HTR4: variants seen among roughly 807,000 people sequenced by gnomAD.
The protein encoded by HTR4 is 5-hydroxytryptamine receptor 4, also known as 5-hydroxytryptamine (serotonin) receptor 4, G protein-coupled.
HTR4 carries 16 observed loss-of-function variants against 36.8 expected under a neutral mutation model. The ratio of observed to expected loss-of-function variants is 0.43; its 90% CI spans 0.29 to 0.66. The LOEUF is 0.66. HTR4 is among the 30% of genes least tolerant of loss of function. The probability of loss-of-function intolerance (pLI) is 0.13; values close to 1 mark genes in which losing one functional copy is unlikely to be tolerated. For synonymous variants in HTR4, 189 were observed against 185.1 expected (o/e 1.02, Z -0.17); for missense variants, 438 against 490.9 (o/e 0.89, Z 1.02).
At chr5:148,613,834 C>T (rs977927039) in intron 2 of HTR4, among the ~76,000 whole-genome samples, 33 of 152,006 alleles carry the variant, frequency 2.2e-4, no homozygotes, top group Middle Eastern at 6.8e-3. Flanking sequence ...TCAGCAAAGT[C>T]TCAGGATACA....
In HTR4 at chr5:148,483,301, G is replaced by A. The variant is rs936334333; in HGVS notation, c.1077-8C>T. 3.1e-6 allele frequency: 5 copies of A among 1,598,098 alleles called. No individual in the cohort carries two copies. In the African/African-American group the frequency reaches 5.4e-5, roughly 17 times the overall value. Reference sequence around the variant, plus strand: ...CCACACTCCACTGCATCCCTAGAGAGAGGAGAAGATTACAGAACCTCAGAA... The same window carrying A: ...CCACACTCCACTGCATCCCTAGAGAAAGGAGAAGATTACAGAACCTCAGAA... On this transcript the variant is annotated splice_polypyrimidine_tract_variant and splice_region_variant and intron_variant, in intron 6 of 6. Coordinates refer to ENST00000377888, the MANE Select transcript of HTR4 (RefSeq NM_000870.7).
At chr5:148,652,076 TCAGA>T (rs1024669626) in intron 1 of HTR4, among the ~76,000 whole-genome samples, 3 of 152,234 alleles carry the variant, frequency 2.0e-5, no homozygotes, top group African/African-American at 4.8e-5. Context: ...ATTTAACTTG[TCAGA>T]CAGTGATAAT....
At chr5:148,514,314 T>C (rs1409395461) in intron 5 of HTR4, among the ~76,000 whole-genome samples, 1 of 152,182 alleles carries the variant, frequency 6.6e-6, no homozygotes, top group Non-Finnish European at 1.5e-5. Context: ...AAATCGTGAA[T>C]GGGTATTGAA....
chr5:148,539,116 G>A (rs1442045452), intron 4 of HTR4, among the ~76,000 whole-genome samples: 1 of 152,066 alleles, frequency 6.6e-6, no homozygotes, highest in East Asian at 1.9e-4. Context: ...ACAAAAACAG[G>A]CAATTGGGAA....
intron 6 of HTR4, among the ~76,000 whole-genome samples, chr5:148,486,938 A>G (rs1460853760): frequency 6.6e-6 from 1 of 152,208 alleles, no homozygotes; most frequent in African/African-American, 2.4e-5. Context: ...CCTCAAACAT[A>G]TGTTTGATCA....
At chr5:148,465,923 C>A (rs751521166) in intron 5 of HTR4, 2 of 1,612,956 alleles carry the variant, frequency 1.2e-6, no homozygotes, top group Non-Finnish European at 8.5e-7. Context: ...AGGGGAACAG[C>A]CACTTTTAGT....
chr5:148,540,401 T>TATAC (rs1491247146), intron 4 of HTR4, among the ~76,000 whole-genome samples: 1 of 1,778 alleles, frequency 5.6e-4, no homozygotes, highest in Non-Finnish European at 2.7e-3. Context: ...TATGTGTGTG[T>TATAC]ATATATATAT....
intron 2 of HTR4, among the ~76,000 whole-genome samples, chr5:148,561,273 G>T (rs1760193069): frequency 6.6e-6 from 1 of 152,142 alleles, no homozygotes; most frequent in Admixed American, 6.5e-5. Context: ...GAGTATAATG[G>T]AGTTAAAAGC....
At chr5:148,553,075 A>G (rs1759774855) in intron 2 of HTR4, among the ~76,000 whole-genome samples, 2 of 152,214 alleles carry the variant, frequency 1.3e-5, no homozygotes, top group Non-Finnish European at 2.9e-5. Context: ...TCATTTAACA[A>G]TTTCTGAGCA....
At chr5:148,479,963 G>GAAAATTTTC (rs1304221243), downstream of HTR4, among the ~76,000 whole-genome samples, 1 of 152,106 alleles carries the variant, frequency 6.6e-6, no homozygotes, top group Admixed American at 6.5e-5. Context: ...ATCAGATCAG[G>GAAAATTTTC]AAAATTTTCA....
rs1475597438 is a variant in HTR4, at chr5:148,509,521, A to G, written c.1011T>C (p.Pro337=). 1 of 1,614,000 alleles carries G rather than the reference A, an allele frequency of 6.2e-7. No homozygotes were observed. Among genetic ancestry groups the G allele is most frequent in the Non-Finnish European group, 8.5e-7 (1 of 1,179,966 alleles). ...LCCDDERYRR[P]SILGQTVPCS... ...AAGGGACAGTCTGGCCCAGAATGGA[A>G]GGTCTTCGGTAGCGCTCATCATCAC... Residue 337 remains proline, a synonymous_variant, in exon 6 of 7, where the codon CCT becomes CCC. Transcript: ENST00000377888.
At chr5:148,515,998 A>ATATG (rs1581410350) in intron 5 of HTR4, among the ~76,000 whole-genome samples, 1 of 150,278 alleles carries the variant, frequency 6.7e-6, no homozygotes. Flanking sequence ...ATATATATAT[A>ATATG]CACATATACA....
intron 6 of HTR4, among the ~76,000 whole-genome samples, chr5:148,491,073 A>G (rs1756404993): frequency 6.6e-6 from 1 of 152,050 alleles, no homozygotes. Flanking sequence ...CTAAACACAC[A>G]TTTACATGGG....
At chr5:148,539,284 C>G (rs939257170) in intron 4 of HTR4, among the ~76,000 whole-genome samples, 1 of 152,106 alleles carries the variant, frequency 6.6e-6, no homozygotes. Context: ...GGAAGAGAAA[C>G]TAGGTAATAC....
chr5:148,615,935 A>T (rs1752664540), intron 2 of HTR4, among the ~76,000 whole-genome samples: 1 of 152,200 alleles, frequency 6.6e-6, no homozygotes, highest in Non-Finnish European at 1.5e-5. Context: ...TGGAAGATAC[A>T]GTTCGGGCAG....
chr5:148,600,479 A>G (rs1313774856), intron 2 of HTR4, among the ~76,000 whole-genome samples: 1 of 148,438 alleles, frequency 6.7e-6, no homozygotes, highest in Non-Finnish European at 1.5e-5. Context: ...AATACTCCAG[A>G]AAAAAAATGT....
At chr5:148,645,709 G>C (rs1379883709) in intron 1 of HTR4, 1 of 152,224 alleles carries the variant, frequency 6.6e-6, no homozygotes, top group East Asian at 1.9e-4. Context: ...GGTGCTCAAT[G>C]AGTTCACAGT....
intron 6 of HTR4, among the ~76,000 whole-genome samples, chr5:148,505,678 C>T (rs924883403): frequency 6.6e-6 from 1 of 152,204 alleles, no homozygotes; most frequent in African/African-American, 2.4e-5. Flanking sequence ...AGCAAAGTCT[C>T]AGGATACAAA....
At chr5:148,551,730 T>TAACA (rs1759703863) in intron 2 of HTR4, among the ~76,000 whole-genome samples, 1 of 152,172 alleles carries the variant, frequency 6.6e-6, no homozygotes, top group African/African-American at 2.4e-5. Context: ...ACACTAACAC[T>TAACA]AACAATGGCT....
Sources: allele counts gnomAD v4.1 joint callset (sites outside exome capture counted in the v4.1 genomes callset), GRCh38; gene constraint gnomAD v4.1.1; transcripts MANE v1.5; gene names NCBI Gene and HGNC (gene_info 2026-07-23, HGNC 2026-07-21).